Variants in RBM45 observed in about 807,000 individuals in gnomAD.
RBM45 encodes the protein RNA binding motif protein 45, also known as RNA-binding protein 45.
RBM45 carries 39 observed loss-of-function variants against 58.5 expected under a neutral mutation model. The ratio of observed to expected loss-of-function variants is 0.67; its 90% CI spans 0.52 to 0.87. RBM45 has a LOEUF of 0.87. Among genes scored for constraint, RBM45 ranks in the 40% least tolerant of loss-of-function variants. RBM45 has a pLI of 0.00. For missense variants in RBM45, 481 were observed against 581.6 expected, an observed-to-expected ratio of 0.83 and a Z score of 1.78; for synonymous variants, 193 against 203.0, an observed-to-expected ratio of 0.95 and a Z score of 0.42.
Position 178,118,055 on chromosome 2 carries a change from G to A in RBM45, c.424G>A (p.Val142Met), listed in dbSNP as rs755647893. Reference protein sequence around the residue: ...TEEDLREKFKVYGDIEYCSII... With the variant: ...TEEDLREKFKMYGDIEYCSII... Reference sequence around the variant, plus strand: ...AAATCATGTCTTTTAACTCTCTTAGGTGTATGGAGATATCGAGTATTGCAG... The same window carrying A: ...AAATCATGTCTTTTAACTCTCTTAGATGTATGGAGATATCGAGTATTGCAG... The change falls in exon 3 of 10, where the codon GTG (valine) becomes ATG (methionine). Residue 142 changes from valine to methionine, a missense_variant and splice_region_variant. Transcript: ENST00000286070. 1 of 1,607,524 alleles carries A rather than the reference G, an allele frequency of 6.2e-7. No homozygotes were observed. Among genetic ancestry groups the A allele is most frequent in the South Asian group, 1.1e-5 (1 of 90,104 alleles).
downstream of RBM45, among the ~76,000 whole-genome samples, chr2:178,133,573 A>T (rs547718350): frequency 6.6e-6 from 1 of 152,312 alleles, no homozygotes; most frequent in East Asian, 1.9e-4. Context: ...GTACCCAAAA[A>T]CCTTTTGATT....
chr2:178,126,092 A>G lies in RBM45; in HGVS notation c.1341A>G (p.Gly447=). ...SANDAIATLH[G]KILNGVRLKV... ...ATGATGCCATTGCCACTCTACATGG[A>G]AAGATTCTGAATGGGGTGAGACTTA... The change falls in exon 9 of 10, where the codon GGA becomes GGG. Residue 447 remains glycine, a synonymous_variant. Coordinates refer to ENST00000286070, the MANE Select transcript of RBM45 (RefSeq NM_152945.4). 2 of 1,613,986 alleles carry G rather than the reference A, an allele frequency of 1.2e-6. No individual in the cohort carries two copies. Among genetic ancestry groups the G allele is most frequent in the Non-Finnish European group, 1.7e-6 (2 of 1,179,848 alleles).
Position 178,123,993 on chromosome 2 carries a change from T to G in RBM45, c.1068+81T>G, listed in dbSNP as rs1020149505. On this transcript the variant is annotated intron_variant, in intron 7 of 9. Coordinates refer to ENST00000286070, the MANE Select transcript of RBM45 (RefSeq NM_152945.4). Reference sequence around the variant, plus strand: ...TGAAGAGAAATCATGCTTTGTTGATTATCTGTGTATGAAAATTTTCAGAGC... The same window carrying G: ...TGAAGAGAAATCATGCTTTGTTGATGATCTGTGTATGAAAATTTTCAGAGC... 1.2e-5 allele frequency: 18 copies of G among 1,502,200 alleles called. No individual in the cohort carries two copies. The African/African-American group carries it at 2.4e-4, about 20-fold the overall frequency. 93.1% of individuals were successfully genotyped at this position (1,502,200 alleles called of 1,614,324 possible). A position where few individuals can be genotyped will look rare whatever the true frequency, so the allele number is the denominator to read the frequency against.
At chr2:178,138,559 A>G (rs2153908230) in exon 4 of RBM45, 1 of 152,248 alleles carries the variant, frequency 6.6e-6, no homozygotes, top group Middle Eastern at 3.4e-3. Flanking sequence ...TACTCATCCA[A>G]ATTGTAAAGG....
Position 178,124,236 on chromosome 2 carries a change from T to C in RBM45, c.1178T>C (p.Phe393Ser), listed in dbSNP as rs1413126831. The change falls in exon 8 of 10, where the codon TTT becomes TCT. Residue 393 changes from phenylalanine (F) to serine (S), a missense_variant. By Grantham distance (155) the Phe-to-Ser change is radical. Coordinates refer to ENST00000286070, the MANE Select transcript of RBM45 (RefSeq NM_152945.4). ...GAAACTCCTGTGAAAGAAAGACTTT[T>C]TATTGTGTTTAATCCTCATCCTTTA... The part of the protein sequence containing the change: ...PAETPVKERL[F>S]IVFNPHPLPL... 1.9e-6 allele frequency: 3 copies of C among 1,605,606 alleles called. No homozygotes were observed. In the South Asian group the frequency reaches 3.4e-5, roughly 18 times the overall value.
intron 1 of RBM45, among the ~76,000 whole-genome samples, chr2:178,113,062 G>T (rs1446979392): frequency 6.6e-6 from 1 of 152,176 alleles, no homozygotes; most frequent in Non-Finnish European, 1.5e-5. Flanking sequence ...GATGCGGAGT[G>T]TTTGCCCCAC....
intron 9 of RBM45, among the ~76,000 whole-genome samples, chr2:178,128,606 G>A (rs2087966692): frequency 6.6e-6 from 1 of 152,130 alleles, no homozygotes; most frequent in African/African-American, 2.4e-5. Context: ...TTTTCAGCAT[G>A]GCTGTTCATA....
chr2:178,126,204 A>C lies in RBM45; in HGVS notation c.*8+20A>C. 1 of 1,536,312 alleles carries C rather than the reference A, an allele frequency of 6.5e-7. No homozygotes were observed. Among genetic ancestry groups the C allele is most frequent in the Non-Finnish European group, 8.9e-7 (1 of 1,118,710 alleles). ...CTTGAGGTAAGCCCTTTTTAATCTGAATTTTAAAACATATTGAGTAAATAG... is the reference window on the plus strand; with the variant it reads ...CTTGAGGTAAGCCCTTTTTAATCTGCATTTTAAAACATATTGAGTAAATAG... On this transcript the variant is annotated intron_variant, in intron 9 of 9. Transcript: ENST00000286070.
downstream of RBM45, among the ~76,000 whole-genome samples, chr2:178,132,740 G>C (rs2088014848): frequency 6.6e-6 from 1 of 152,120 alleles, no homozygotes. Flanking sequence ...ACAGGCACGT[G>C]CCACCACACC....
intron 3 of RBM45, among the ~76,000 whole-genome samples, chr2:178,118,824 T>C (rs750011390): frequency 2.0e-5 from 3 of 152,204 alleles, no homozygotes; most frequent in South Asian, 2.1e-4. Flanking sequence ...TATAAAAATA[T>C]ATACTTACTG....
At chr2:178,120,975 TATTTCTGCATTAAAGGTAGGGGAGTGGGG>T in intron 4 of RBM45, 176 bp from the exon 5 acceptor site, 1 of 383,088 alleles carries the variant, frequency 2.6e-6, no homozygotes, top group Non-Finnish European at 4.6e-6. Context: ...TTTCTTCTTA[TATTTCTGCATTAAAGGTAGGGGAGTGGGG>T]AGAGTTGTCT....
intron 4 of RBM45, 32 bp from the exon 5 acceptor site, chr2:178,121,148 C>T: frequency 8.7e-7 from 1 of 1,153,018 alleles, no homozygotes; most frequent in Non-Finnish European, 1.3e-6. Context: ...GTGTAGAAAT[C>T]TAAAGATTTA....
At chr2:178,125,633 A>G (rs988932491) in intron 8 of RBM45, 39 of 468,338 alleles carry the variant, frequency 8.3e-5, no homozygotes, top group Non-Finnish European at 1.5e-4. Context: ...TGTTGTCACC[A>G]TGGAGGCAAT....
chr2:178,132,917 A>C (rs1441092446), downstream of RBM45, among the ~76,000 whole-genome samples: 1 of 152,192 alleles, frequency 6.6e-6, no homozygotes, highest in Non-Finnish European at 1.5e-5. Flanking sequence ...TTTGGTGTCC[A>C]CAAGAATCAC....
chr2:178,133,904 T>C (rs963772025), downstream of RBM45: 50 of 152,314 alleles, frequency 3.3e-4, no homozygotes, highest in African/African-American at 1.2e-3. Flanking sequence ...ACTGAAGGTA[T>C]GGTATTGATA....
chr2:178,130,291 TG>T (rs770640948), downstream of RBM45, among the ~76,000 whole-genome samples: 1 of 151,990 alleles, frequency 6.6e-6, no homozygotes, highest in Non-Finnish European at 1.5e-5. Flanking sequence ...GAGGCCAAGG[TG>T]GGAGGATCAC....
At chr2:178,134,597 G>GA (rs1274168163), downstream of RBM45, among the ~76,000 whole-genome samples, 3 of 150,578 alleles carry the variant, frequency 2.0e-5, no homozygotes, top group African/African-American at 4.9e-5. Flanking sequence ...TTTTATGCCA[G>GA]AAAAAAAATT....
chr2:178,112,810 C>T lies in RBM45; in HGVS notation c.264C>T (p.Gly88=). ...QACRAMEEMH[G]QCLGPNDTKP... is the part of the protein sequence containing the mutation. ...GCAGGGCCATGGAGGAGATGCATGG[C>T]CAGTGCCTCGGCCCCAACGACACCA... Residue 88 remains glycine, a synonymous_variant, in exon 1 of 10, where the codon GGC becomes GGT. Coordinates refer to ENST00000286070, the MANE Select transcript of RBM45 (RefSeq NM_152945.4). 3 of 1,612,678 alleles carry T rather than the reference C, an allele frequency of 1.9e-6. No individual in the cohort carries two copies. Among genetic ancestry groups the T allele is most frequent in the South Asian group, 2.2e-5 (2 of 91,080 alleles).
At chr2:178,124,617 C>T (rs926362258) in intron 8 of RBM45, among the ~76,000 whole-genome samples, 1 of 152,068 alleles carries the variant, frequency 6.6e-6, no homozygotes, top group Non-Finnish European at 1.5e-5. Flanking sequence ...AGTTCAAGAC[C>T]AGACTGGGCA....
Sources: gnomAD v4.1 joint callset for allele counts (sites outside exome capture counted in the v4.1 genomes callset) on GRCh38, gnomAD v4.1.1 for gene constraint, MANE v1.5 for transcripts, NCBI Gene and HGNC (gene_info 2026-07-23, HGNC 2026-07-21) for gene names.